Variants in VPS13B observed in about 807,000 individuals in gnomAD.
VPS13B encodes vacuolar protein sorting 13 homolog B, also known as intermembrane lipid transfer protein VPS13B.
VPS13B carries 285 observed loss-of-function variants against 426.4 expected under a neutral mutation model. That is an observed-to-expected ratio of 0.67 (90% confidence interval 0.61 to 0.74). The LOEUF is 0.74. Ranked by LOEUF, VPS13B falls within the 30% of genes least tolerant of loss-of-function variation. The probability of loss-of-function intolerance (pLI) is 0.00; values close to 1 mark genes in which losing one functional copy is unlikely to be tolerated. For missense variants in VPS13B, 4,537 were observed against 4,782.6 expected, an observed-to-expected ratio of 0.95 and a Z score of 1.51; for synonymous variants, 1,676 against 1,676.4, an observed-to-expected ratio of 1.00 and a Z score of 0.01.
intron 35 of VPS13B, among the ~76,000 whole-genome samples, chr8:99,694,155 C>G (rs1831834111): frequency 4.9e-5 from 1 of 20,608 alleles, no homozygotes; most frequent in Non-Finnish European, 1.0e-4. Flanking sequence ...CCATCCCCAT[C>G]AAGCTACCAA....
chr8:99,228,883 G>C (rs1364931079), intron 17 of VPS13B, among the ~76,000 whole-genome samples: 1 of 152,120 alleles, frequency 6.6e-6, no homozygotes, highest in Non-Finnish European at 1.5e-5. Flanking sequence ...CTTCAGAGAA[G>C]AGTTGACATT....
At chr8:99,425,894 C>T (rs1563723367) in intron 21 of VPS13B, among the ~76,000 whole-genome samples, 1 of 151,988 alleles carries the variant, frequency 6.6e-6, no homozygotes, top group African/African-American at 2.4e-5. Flanking sequence ...CACAAGCATT[C>T]TGTTTTTTGT....
At chr8:99,171,089 T>A (rs985628262) in intron 16 of VPS13B, among the ~76,000 whole-genome samples, 1 of 151,788 alleles carries the variant, frequency 6.6e-6, no homozygotes. Flanking sequence ...ATACAGAAAA[T>A]TTTTTTAAAA....
At chr8:99,577,897 T>C (rs1483324743) in intron 33 of VPS13B, 7 of 440,750 alleles carry the variant, frequency 1.6e-5, no homozygotes, top group Non-Finnish European at 2.9e-5. Context: ...ATAACTTTAT[T>C]AGCCTGCTGA....
At chr8:99,379,586 T>C (rs980475727) in intron 19 of VPS13B, among the ~76,000 whole-genome samples, 12 of 152,194 alleles carry the variant, frequency 7.9e-5, no homozygotes, top group African/African-American at 2.9e-4. Context: ...CATGTTCTTA[T>C]TTGCTCATAC....
intron 13 of VPS13B, among the ~76,000 whole-genome samples, chr8:99,144,420 T>G (rs1810590609): frequency 6.6e-6 from 1 of 151,364 alleles, no homozygotes; most frequent in South Asian, 2.1e-4. Context: ...GCCTGAATGG[T>G]TGAGGTTGCA....
At chr8:99,360,188 TTC>T (rs778981940) in intron 19 of VPS13B, among the ~76,000 whole-genome samples, 2,432 of 27,686 alleles carry the variant, frequency 0.088, 225 homozygotes, top group Admixed American at 0.14. Flanking sequence ...CTTTCTTTCT[TTC>T]TCTCTCTCTC....
At chr8:99,865,805 A>G (rs1353480323) in intron 58 of VPS13B, among the ~76,000 whole-genome samples, 2 of 152,220 alleles carry the variant, frequency 1.3e-5, no homozygotes, top group Non-Finnish European at 2.9e-5. Context: ...GTGACAAAAA[A>G]TTGCCAGAAA....
chr8:99,145,201 A>C (rs551409907), intron 13 of VPS13B, among the ~76,000 whole-genome samples: 1 of 152,340 alleles, frequency 6.6e-6, no homozygotes, highest in South Asian at 2.1e-4. Flanking sequence ...GGAAATCATC[A>C]GTAAGTTTTG....
At chr8:99,102,400 A>C (rs1846802044) in intron 4 of VPS13B, among the ~76,000 whole-genome samples, 1 of 152,020 alleles carries the variant, frequency 6.6e-6, no homozygotes, top group African/African-American at 2.4e-5. Flanking sequence ...TTTAACATTA[A>C]ATATTAGTAA....
At chr8:99,673,816 G>C (rs1830816567) in intron 35 of VPS13B, among the ~76,000 whole-genome samples, 1 of 151,828 alleles carries the variant, frequency 6.6e-6, no homozygotes, top group Non-Finnish European at 1.5e-5. Flanking sequence ...CATTTCATTT[G>C]TCTCAAGAAA....
chr8:99,384,459 AT>A, intron 20 of VPS13B, 142 bp downstream of exon 20: 1 of 691,896 alleles, frequency 1.4e-6, no homozygotes, highest in South Asian at 1.8e-5. Flanking sequence ...CTTTCAAACA[AT>A]TCCGTTCCCT....
At chr8:99,531,339 G>T (rs1200782863) in intron 30 of VPS13B, among the ~76,000 whole-genome samples, 1 of 152,140 alleles carries the variant, frequency 6.6e-6, no homozygotes, top group Admixed American at 6.5e-5. Flanking sequence ...TGAGCTCTGA[G>T]ATGAGTAATG....
At chr8:99,379,786 G>T (rs889102369) in intron 19 of VPS13B, among the ~76,000 whole-genome samples, 8 of 152,048 alleles carry the variant, frequency 5.3e-5, no homozygotes, top group Non-Finnish European at 1.2e-4. Flanking sequence ...TGTATTTTAT[G>T]TGGTATTTAT....
chr8:99,209,321 T>C (rs954740456), intron 17 of VPS13B, among the ~76,000 whole-genome samples: 2 of 151,674 alleles, frequency 1.3e-5, no homozygotes, highest in Non-Finnish European at 2.9e-5. Context: ...GAAATAATGC[T>C]GTAATATACT....
rs745989654 is a variant in VPS13B, at chr8:99,025,936, T to A, written c.147+12001T>A. On this transcript the variant is annotated intron_variant, in intron 2 of 61. Coordinates refer to ENST00000357162, the MANE Select transcript of VPS13B (RefSeq NM_152564.5). ...CTGTGTAATAGTTTGCTGATTTTGTTTATCTTTTCAAAAAACCAGCTTTTC... is the reference window on the plus strand; with the variant it reads ...CTGTGTAATAGTTTGCTGATTTTGTATATCTTTTCAAAAAACCAGCTTTTC... Among the ~76,000 whole-genome samples, 4 of 152,172 alleles carry A rather than the reference T, an allele frequency of 2.6e-5. No individual in the cohort carries two copies. In the South Asian group the frequency reaches 8.3e-4, roughly 31 times the overall value.
rs201826086 is a variant in VPS13B at position 99,424,728 on chromosome 8, A to C, written c.3083-6809A>C. On this transcript the variant is annotated intron_variant, in intron 21 of 61. Transcript: ENST00000357162. ...TAAGATCAGAGCAGAATTGAAGGAA[A>C]TAGAGACATTTCCCTTCAAAACGCT... Among the ~76,000 whole-genome samples, 38 of 152,326 alleles carry C rather than the reference A, an allele frequency of 2.5e-4. No individual in the cohort carries two copies. In the East Asian group the frequency reaches 6.2e-3, roughly 25 times the overall value.
At chr8:99,556,699 G>A in intron 31 of VPS13B, 46 bp downstream of exon 31, 1 of 1,588,816 alleles carries the variant, frequency 6.3e-7, no homozygotes, top group Non-Finnish European at 8.6e-7. Context: ...ATACTTCATT[G>A]CCAGAATAGT....
intron 35 of VPS13B, among the ~76,000 whole-genome samples, chr8:99,664,289 G>A (rs1461763463): frequency 6.6e-6 from 1 of 151,218 alleles, no homozygotes; most frequent in Non-Finnish European, 1.5e-5. Flanking sequence ...ACAGGCATGA[G>A]CCACCGTGCC....
Sources: allele counts gnomAD v4.1 joint callset (sites outside exome capture counted in the v4.1 genomes callset), GRCh38; gene constraint gnomAD v4.1.1; transcripts MANE v1.5; gene names NCBI Gene and HGNC (gene_info 2026-07-23, HGNC 2026-07-21).